Variants in PIK3C3 observed in about 807,000 individuals in gnomAD.
PIK3C3 encodes PI3-kinase type 3.
Under a neutral mutation model 126.1 loss-of-function variants are expected in PIK3C3, and 95 were observed. That is an observed-to-expected ratio of 0.75 (90% CI 0.64 to 0.89). The LOEUF is 0.89. Among genes scored for constraint, PIK3C3 ranks in the 40% least tolerant of loss-of-function variants. The pLI is 0.00. For synonymous variants in PIK3C3, 374 were observed against 360.0 expected (o/e 1.04, Z -0.44); for missense variants, 829 against 1,063.2 (o/e 0.78, Z 3.06).
chr18:42,012,104 C>CT (rs1982851989), intron 10 of PIK3C3, among the ~76,000 whole-genome samples: 1 of 150,566 alleles, frequency 6.6e-6, no homozygotes, highest in Non-Finnish European at 1.5e-5. Flanking sequence ...GACACAAAGA[C>CT]ATGGAGTGAA....
chr18:41,957,514 A>G, intron 1 of PIK3C3, 56 bp from the exon 2 acceptor site: 1 of 1,529,744 alleles, frequency 6.5e-7, no homozygotes, highest in East Asian at 2.3e-5. Flanking sequence ...ACTTATGTAT[A>G]TATGTACATG....
intron 22 of PIK3C3, among the ~76,000 whole-genome samples, chr18:42,064,342 G>T (rs557210341): frequency 1.3e-5 from 2 of 152,190 alleles, no homozygotes; most frequent in East Asian, 1.9e-4. Flanking sequence ...ACACACTGAG[G>T]TCATCTTAAA....
At chr18:42,063,956 A>C (rs150075820) in intron 22 of PIK3C3, among the ~76,000 whole-genome samples, 1 of 152,182 alleles carries the variant, frequency 6.6e-6, no homozygotes, top group African/African-American at 2.4e-5. Flanking sequence ...AGGAGGGGCC[A>C]CTAAGAGCAT....
At chr18:42,059,313 CA>C (rs1030079918) in intron 22 of PIK3C3, among the ~76,000 whole-genome samples, 9 of 152,028 alleles carry the variant, frequency 5.9e-5, no homozygotes, top group Non-Finnish European at 1.0e-4. Context: ...CCAGAAATGC[CA>C]AAAGAATAAT....
chr18:42,011,595 A>G (rs1352686555), intron 10 of PIK3C3, among the ~76,000 whole-genome samples: 1 of 152,186 alleles, frequency 6.6e-6, no homozygotes, highest in Non-Finnish European at 1.5e-5. Flanking sequence ...TATATCAGCA[A>G]TAAGGGTGTT....
chr18:41,955,456 G>C (rs751715230), intron 1 of PIK3C3, 97 bp downstream of exon 1: 8 of 1,045,218 alleles, frequency 7.7e-6, no homozygotes, highest in Middle Eastern at 3.0e-4. Flanking sequence ...TACGTGACTC[G>C]TCTCAAGGCC....
intron 3 of PIK3C3, among the ~76,000 whole-genome samples, chr18:41,967,284 T>C (rs1233848906): frequency 6.6e-6 from 1 of 152,016 alleles, no homozygotes; most frequent in African/African-American, 2.4e-5. Context: ...GCAATATGAG[T>C]ATTCTGGGTG....
At chr18:42,022,162 T>C (rs1983353844) in intron 13 of PIK3C3, among the ~76,000 whole-genome samples, 4 of 152,112 alleles carry the variant, frequency 2.6e-5, no homozygotes, top group Non-Finnish European at 5.9e-5. Flanking sequence ...TATTGTACTT[T>C]AAGTTTTAGG....
At chr18:42,021,323 C>T (rs186187113) in intron 13 of PIK3C3, among the ~76,000 whole-genome samples, 34 of 152,274 alleles carry the variant, frequency 2.2e-4, no homozygotes, top group African/African-American at 7.9e-4. Flanking sequence ...AACTAAGGCA[C>T]GGAGTGGCTG....
chr18:42,013,939 A>G (rs1019305595), intron 11 of PIK3C3, among the ~76,000 whole-genome samples: 5 of 152,194 alleles, frequency 3.3e-5, no homozygotes, highest in African/African-American at 1.2e-4. Flanking sequence ...CATTAAGTGA[A>G]TTAACACTCA....
intron 9 of PIK3C3, among the ~76,000 whole-genome samples, chr18:41,999,577 C>T (rs1982185840): frequency 6.6e-6 from 1 of 152,040 alleles, no homozygotes; most frequent in Admixed American, 6.6e-5. Flanking sequence ...CACCTCTTGG[C>T]CTAGCATTAT....
At chr18:41,983,958 T>C (rs1334284159) in intron 4 of PIK3C3, among the ~76,000 whole-genome samples, 1 of 151,992 alleles carries the variant, frequency 6.6e-6, no homozygotes, top group Non-Finnish European at 1.5e-5. Flanking sequence ...ATGCCTTTTT[T>C]TTTTTTTTGT....
chr18:42,067,714 C>G (rs1985603086), intron 24 of PIK3C3, among the ~76,000 whole-genome samples: 1 of 152,208 alleles, frequency 6.6e-6, no homozygotes, highest in African/African-American at 2.4e-5. Context: ...TTAGTAATGA[C>G]TAACTTCTGG....
chr18:42,017,785 T>G (rs773931060), intron 12 of PIK3C3, among the ~76,000 whole-genome samples: 1 of 152,034 alleles, frequency 6.6e-6, no homozygotes, highest in Admixed American at 6.6e-5. Context: ...ATCTTTTCCT[T>G]TGAATTTTTT....
Position 42,013,569 on chromosome 18 carries a change from C to T in PIK3C3, c.1298C>T (p.Ser433Phe). ...QSSVSENVSN[S>F]GINSAEIDSS... ...TCAGTGTCAGAAAATGTGTCAAATT[C>T]TGGAATAAATTCTGCAGAAATAGAT... is the stretch of plus-strand genomic sequence containing the variant. Residue 433 changes from serine (S) to phenylalanine (F), a missense_variant, in exon 11 of 25, where the codon TCT (serine) becomes TTT (phenylalanine). Ser to Phe is a radical substitution (Grantham distance 155). This residue lies in a region of PIK3C3 where 256 missense variants were observed against 291.0 expected (regional missense o/e 0.88). Transcript: ENST00000262039. 1 of 1,603,740 alleles carries T rather than the reference C, an allele frequency of 6.2e-7. No homozygotes were observed. Among genetic ancestry groups the T allele is most frequent in the Non-Finnish European group, 8.5e-7 (1 of 1,174,468 alleles).
At chr18:41,985,879 T>A (rs1463492852) in intron 4 of PIK3C3, among the ~76,000 whole-genome samples, 1 of 152,122 alleles carries the variant, frequency 6.6e-6, no homozygotes, top group Non-Finnish European at 1.5e-5. Flanking sequence ...CTTTAGAACA[T>A]TTCTAATTTG....
chr18:42,024,438 A>AT (rs577688097), intron 13 of PIK3C3, among the ~76,000 whole-genome samples: 5,020 of 145,018 alleles, frequency 0.035, 118 homozygotes, highest in Non-Finnish European at 0.05. Context: ...GGCTTGAATG[A>AT]TTTTTTTTTT....
chr18:42,037,695 GC>G lies in PIK3C3; in HGVS notation c.1846del (p.Met617CysfsTer49). 6.2e-7 allele frequency: 1 copy of G among 1,604,462 alleles called. No homozygotes were observed. Among genetic ancestry groups the G allele is most frequent in the Non-Finnish European group, 8.5e-7 (1 of 1,173,820 alleles). Reference sequence around the variant, plus strand: ...AATCAATATTTTTATTTTCCAGAGTGCCCTTATGCCTGCACAGTTGTTTTTT... The same window carrying G: ...AATCAATATTTTTATTTTCCAGAGTGCCTTATGCCTGCACAGTTGTTTTTT... The part of the protein sequence containing the change: ...IPETATLFKS[A>X]LMPAQLFFKT... On this transcript the variant is annotated frameshift_variant, in exon 17 of 25. Transcript: ENST00000262039. LOFTEE classifies it high-confidence loss of function.
chr18:42,004,518 C>G lies in PIK3C3; in HGVS notation c.1147C>G (p.Arg383Gly). 2 of 1,594,638 alleles carry G rather than the reference C, an allele frequency of 1.3e-6. No homozygotes were observed. The highest frequency in any genetic ancestry group is 1.7e-6 in the Non-Finnish European group (2 of 1,174,840). ...NPTVRRYAVARLRQADDEDLL... is the reference protein window; with the variant it reads ...NPTVRRYAVAGLRQADDEDLL... ...AACTGTGAGGCGTTATGCTGTTGCC[C>G]GGTTGCGACAGGCCGATGATGAGGT... The change falls in exon 10 of 25, where the codon CGG (arginine) becomes GGG (glycine). Residue 383 changes from arginine to glycine, a missense_variant. Arg to Gly is a moderately radical substitution (Grantham distance 125). This residue lies in a region of PIK3C3 where 64 missense variants were observed against 118.7 expected (regional missense o/e 0.54). Transcript: ENST00000262039.
Sources: allele counts gnomAD v4.1 joint callset (sites outside exome capture counted in the v4.1 genomes callset), GRCh38; gene constraint gnomAD v4.1.1; regional missense constraint gnomAD v4.1.1; transcripts MANE v1.5; gene names NCBI Gene and HGNC (gene_info 2026-07-23, HGNC 2026-07-21).